MEGF11: variants seen among roughly 807,000 people sequenced by gnomAD.
MEGF11 encodes multiple EGF like domains 11.
A neutral mutation model predicts 146.6 loss-of-function variants in MEGF11; 126 were observed. The observed-to-expected ratio is 0.86, with a 90% CI of 0.74 to 1.00. The LOEUF is 1.00. MEGF11 is among the 50% of genes least tolerant of loss of function. The probability of loss-of-function intolerance (pLI) is 0.00; values close to 1 mark genes in which losing one functional copy is unlikely to be tolerated. For synonymous variants in MEGF11, 532 were observed against 583.4 expected (o/e 0.91, Z 1.27); for missense variants, 1,509 against 1,521.2 (o/e 0.99, Z 0.13).
At chr15:65,917,247 T>C (rs1444085523) in intron 16 of MEGF11, among the ~76,000 whole-genome samples, 2 of 152,180 alleles carry the variant, frequency 1.3e-5, no homozygotes, top group East Asian at 3.9e-4. Context: ...GGGACTGATT[T>C]GGAGCATGCG....
At chr15:66,079,798 A>G (rs2085767848) in intron 5 of MEGF11, among the ~76,000 whole-genome samples, 1 of 152,096 alleles carries the variant, frequency 6.6e-6, no homozygotes, top group Admixed American at 6.5e-5. Context: ...GGTGGAGGGT[A>G]GAGATGGGGT....
intron 4 of MEGF11, among the ~76,000 whole-genome samples, chr15:66,117,397 A>G (rs2087784213): frequency 6.6e-6 from 1 of 152,188 alleles, no homozygotes; most frequent in South Asian, 2.1e-4. Flanking sequence ...ATAAGGAGTA[A>G]GTCGGAAGGT....
In MEGF11 at chr15:66,177,097, C is replaced by A. The variant is rs117728956; in HGVS notation, c.-8-48686G>T. ...AGGGACTCCAGGATTTGGGAGATTTCTGCAGACATGACCAAAGGGAGCTCA... is the reference window on the plus strand; with the variant it reads ...AGGGACTCCAGGATTTGGGAGATTTATGCAGACATGACCAAAGGGAGCTCA... On this transcript the variant is annotated intron_variant, in intron 1 of 25. Transcript: ENST00000395614. 3.4e-3 allele frequency among the ~76,000 whole-genome samples: 512 copies of A among 152,272 alleles called. 2 individuals are homozygous for A. The highest frequency in any genetic ancestry group is 5.7e-3 in the Non-Finnish European group (386 of 68,020).
chr15:66,018,617 G>A (rs1254569875), intron 5 of MEGF11, among the ~76,000 whole-genome samples: 1 of 152,166 alleles, frequency 6.6e-6, no homozygotes, highest in Non-Finnish European at 1.5e-5. Flanking sequence ...GCAAGCTGGT[G>A]AGCGCATGTG....
intron 7 of MEGF11, among the ~76,000 whole-genome samples, chr15:65,973,432 C>T (rs1477132669): frequency 1.3e-5 from 2 of 152,178 alleles, no homozygotes; most frequent in African/African-American, 2.4e-5. Context: ...AGTAACAATA[C>T]ACATGTATAT....
intron 1 of MEGF11, among the ~76,000 whole-genome samples, chr15:66,137,713 C>T (rs1309675406): frequency 6.6e-6 from 1 of 151,862 alleles, no homozygotes; most frequent in Non-Finnish European, 1.5e-5. Flanking sequence ...ACTACGACAC[C>T]TGGCTTTTTT....
At chr15:66,211,117 G>A (rs2091433713) in intron 1 of MEGF11, among the ~76,000 whole-genome samples, 1 of 152,098 alleles carries the variant, frequency 6.6e-6, no homozygotes, top group South Asian at 2.1e-4. Flanking sequence ...AAACCTCCAG[G>A]CACCTCCTCT....
At chr15:65,919,976 AAAAC>A (rs575697885) in intron 15 of MEGF11, among the ~76,000 whole-genome samples, 118 of 152,336 alleles carry the variant, frequency 7.7e-4, no homozygotes, top group African/African-American at 2.8e-3. Flanking sequence ...GAAGCACAAT[AAAAC>A]AAGGTATGCC....
At chr15:65,913,226 C>T (rs1296715723) in intron 20 of MEGF11, among the ~76,000 whole-genome samples, 2 of 152,140 alleles carry the variant, frequency 1.3e-5, no homozygotes, top group Non-Finnish European at 2.9e-5. Context: ...GGACATTGTC[C>T]AAACTTTCAG....
chr15:65,984,398 C>T (rs536291585), intron 5 of MEGF11, among the ~76,000 whole-genome samples: 50 of 151,930 alleles, frequency 3.3e-4, no homozygotes, highest in African/African-American at 1.1e-3. Flanking sequence ...TGGCAGCATG[C>T]GCCTGTAGTC....
intron 4 of MEGF11, among the ~76,000 whole-genome samples, chr15:66,108,618 G>A (rs184720658): frequency 6.6e-5 from 10 of 152,290 alleles, no homozygotes; most frequent in African/African-American, 2.4e-4. Flanking sequence ...CTGGTGCCGT[G>A]TGGCTATCTG....
chr15:66,000,005 G>A (rs1251098851), intron 5 of MEGF11, among the ~76,000 whole-genome samples: 3 of 152,164 alleles, frequency 2.0e-5, no homozygotes, highest in African/African-American at 4.8e-5. Flanking sequence ...TGAAGTACAA[G>A]TGCTGCTTAA....
At chr15:65,999,742 A>G (rs146528238) in intron 5 of MEGF11, among the ~76,000 whole-genome samples, 1 of 152,378 alleles carries the variant, frequency 6.6e-6, no homozygotes, top group East Asian at 1.9e-4. Context: ...CTACATTTCA[A>G]CAAAACATTC....
At chr15:66,186,563 T>C (rs2090708760) in intron 1 of MEGF11, among the ~76,000 whole-genome samples, 1 of 152,202 alleles carries the variant, frequency 6.6e-6, no homozygotes, top group Non-Finnish European at 1.5e-5. Flanking sequence ...CAAAGGCACC[T>C]GACAGATGTC....
intron 1 of MEGF11, among the ~76,000 whole-genome samples, chr15:66,251,813 A>G (rs1228715469): frequency 6.6e-6 from 1 of 152,178 alleles, no homozygotes; most frequent in Non-Finnish European, 1.5e-5. Context: ...TGTGAGTGGG[A>G]GGAAGTGGCG....
chr15:66,146,612 TGTGGG>T, intron 1 of MEGF11, among the ~76,000 whole-genome samples: 1 of 152,164 alleles, frequency 6.6e-6, no homozygotes, highest in Non-Finnish European at 1.5e-5. Context: ...TCCTGATCAG[TGTGGG>T]GACCCCGCTG....
intron 1 of MEGF11, among the ~76,000 whole-genome samples, chr15:66,193,984 C>A (rs1398936134): frequency 6.6e-6 from 1 of 152,136 alleles, no homozygotes; most frequent in African/African-American, 2.4e-5. Flanking sequence ...TTTGATCCAG[C>A]AATCCCATTA....
At chr15:66,171,852 G>T (rs570330072) in intron 1 of MEGF11, among the ~76,000 whole-genome samples, 21 of 151,250 alleles carry the variant, frequency 1.4e-4, no homozygotes, top group Non-Finnish European at 2.5e-4. Context: ...CCCACTAATT[G>T]TCCAAAATTT....
intron 1 of MEGF11, among the ~76,000 whole-genome samples, chr15:66,241,339 G>A (rs2092204068): frequency 6.6e-6 from 1 of 152,222 alleles, no homozygotes; most frequent in African/African-American, 2.4e-5. Context: ...CCGGTTCTGG[G>A]AGAGTGGTCT....
Sources: allele counts gnomAD v4.1 joint callset (sites outside exome capture counted in the v4.1 genomes callset), GRCh38; gene constraint gnomAD v4.1.1; transcripts MANE v1.5; gene names NCBI Gene and HGNC (gene_info 2026-07-23, HGNC 2026-07-21).